OSBPL1A: variants seen among roughly 807,000 people sequenced by gnomAD.
OSBPL1A encodes the protein oxysterol-binding protein-related protein 1.
OSBPL1A carries 80 observed loss-of-function variants against 137.1 expected under a neutral mutation model. That is an observed-to-expected ratio of 0.58 (90% CI 0.49 to 0.70). The LOEUF (loss-of-function observed/expected upper bound fraction) is 0.70, where lower values mean the gene tolerates loss of function less well. OSBPL1A is among the 30% of genes least tolerant of loss of function. OSBPL1A has a pLI of 0.00. For synonymous variants in OSBPL1A, 365 were observed against 389.7 expected, an observed-to-expected ratio of 0.94 and a Z score of 0.75; for missense variants, 970 against 1,129.4, an observed-to-expected ratio of 0.86 and a Z score of 2.02.
At chr18:24,180,024 G>T (rs989921795) in intron 19 of OSBPL1A, among the ~76,000 whole-genome samples, 189 bp from the exon 20 acceptor site, 4 of 152,212 alleles carry the variant, frequency 2.6e-5, no homozygotes, top group African/African-American at 4.8e-5. Context: ...ATTACTTTCA[G>T]TTGCTTCCTA....
intron 4 of OSBPL1A, among the ~76,000 whole-genome samples, chr18:24,355,626 A>G (rs1210036615): frequency 6.6e-6 from 1 of 152,114 alleles, no homozygotes; most frequent in Non-Finnish European, 1.5e-5. Context: ...AGTACAACTC[A>G]ATCTGCACCA....
At chr18:24,321,931 T>A (rs570823157) in intron 7 of OSBPL1A, among the ~76,000 whole-genome samples, 3 of 152,134 alleles carry the variant, frequency 2.0e-5, no homozygotes, top group South Asian at 2.1e-4. Context: ...TGATTTTTTT[T>A]AAAAAGGTCA....
At chr18:24,217,023 A>G (rs1466774746) in intron 17 of OSBPL1A, among the ~76,000 whole-genome samples, 2 of 152,192 alleles carry the variant, frequency 1.3e-5, no homozygotes, top group Admixed American at 1.3e-4. Flanking sequence ...GCCTACAAAT[A>G]TCTATAAAAA....
intron 13 of OSBPL1A, among the ~76,000 whole-genome samples, chr18:24,309,653 G>A (rs2090576613): frequency 6.6e-6 from 1 of 152,138 alleles, no homozygotes; most frequent in Admixed American, 6.6e-5. Flanking sequence ...AGGGCATCCT[G>A]GAGCCAGTCT....
chr18:24,194,165 A>G lies in OSBPL1A; in HGVS notation c.1677+1960T>C, dbSNP rs555510718. Among the ~76,000 whole-genome samples the G allele has an allele frequency of 1.9e-3, 292 of 152,354 alleles. 1 individual carries two copies. The highest frequency in any genetic ancestry group is 3.5e-3 in the Non-Finnish European group (240 of 68,040). On this transcript the variant is annotated intron_variant, in intron 18 of 27. Coordinates refer to ENST00000319481, the MANE Select transcript of OSBPL1A (RefSeq NM_080597.4). The stretch of plus-strand genomic sequence containing the variant: ...AAAACTGTATATTCTAAAGTGGCCA[A>G]AAAGACTAAACCATATCTGAAATGT...
At chr18:24,216,840 A>T (rs370172394) in intron 17 of OSBPL1A, among the ~76,000 whole-genome samples, 4 of 152,296 alleles carry the variant, frequency 2.6e-5, no homozygotes, top group African/African-American at 9.6e-5. Flanking sequence ...GTAGCAATGA[A>T]CATCCTTACC....
intron 17 of OSBPL1A, among the ~76,000 whole-genome samples, chr18:24,197,167 G>T (rs1401302458): frequency 6.6e-6 from 1 of 152,150 alleles, no homozygotes; most frequent in Non-Finnish European, 1.5e-5. Context: ...GGGCAACATA[G>T]TGAAACCCAT....
chr18:24,317,306 T>C, intron 10 of OSBPL1A, 21 bp downstream of exon 10: 1 of 1,609,826 alleles, frequency 6.2e-7, no homozygotes, highest in Non-Finnish European at 8.5e-7. Context: ...ATTTGATAAG[T>C]GTAAAGATCA....
chr18:24,318,893 C>T, intron 7 of OSBPL1A, 84 bp from the exon 8 acceptor site: 1 of 1,126,748 alleles, frequency 8.9e-7, no homozygotes, highest in East Asian at 2.4e-5. Flanking sequence ...ATCTAATAGT[C>T]CTTCATTTTT....
At chr18:24,340,081 T>G (rs2091248293) in intron 5 of OSBPL1A, among the ~76,000 whole-genome samples, 1 of 152,226 alleles carries the variant, frequency 6.6e-6, no homozygotes, top group African/African-American at 2.4e-5. Flanking sequence ...ATTGCAACTC[T>G]AATTCAGTAC....
chr18:24,207,561 C>T (rs1287534782), intron 17 of OSBPL1A, among the ~76,000 whole-genome samples: 1 of 152,126 alleles, frequency 6.6e-6, no homozygotes, highest in African/African-American at 2.4e-5. Context: ...ACCTCTGATT[C>T]CAGATTAAAG....
At chr18:24,247,167 C>T (rs1246408571) in intron 15 of OSBPL1A, among the ~76,000 whole-genome samples, 1 of 152,004 alleles carries the variant, frequency 6.6e-6, no homozygotes, top group Non-Finnish European at 1.5e-5. Context: ...AAAGAGTCAG[C>T]AAAGGAAACA....
chr18:24,185,338 TTTTTTTTGA>T (rs1406891712), intron 18 of OSBPL1A, among the ~76,000 whole-genome samples: 1 of 125,192 alleles, frequency 8.0e-6, no homozygotes, highest in African/African-American at 4.7e-5. Context: ...CTTTTTTTTT[TTTTTTTTGA>T]GACTGAGTCT....
intron 15 of OSBPL1A, among the ~76,000 whole-genome samples, chr18:24,270,698 T>G (rs1220793945): frequency 6.6e-6 from 1 of 152,152 alleles, no homozygotes; most frequent in Non-Finnish European, 1.5e-5. Flanking sequence ...TTAACTTCGG[T>G]GTGTCCTCAA....
At chr18:24,172,888 T>C (rs2086325176) in intron 21 of OSBPL1A, among the ~76,000 whole-genome samples, 1 of 152,168 alleles carries the variant, frequency 6.6e-6, no homozygotes, top group South Asian at 2.1e-4. Context: ...TAAACTCTGA[T>C]TTTATAATCC....
intron 15 of OSBPL1A, chr18:24,272,227 C>G (rs2089741353): frequency 1.3e-5 from 13 of 983,868 alleles, no homozygotes; most frequent in Non-Finnish European, 1.6e-5. Context: ...GAGACACCGG[C>G]CCTGGCAACT....
intron 17 of OSBPL1A, among the ~76,000 whole-genome samples, chr18:24,221,677 G>A (rs374068794): frequency 2.0e-5 from 3 of 152,152 alleles, no homozygotes; most frequent in African/African-American, 7.2e-5. Context: ...GATTATCCAA[G>A]CACAATTTAC....
Position 24,172,448 on chromosome 18 carries a change from C to A in OSBPL1A, c.2129G>T (p.Cys710Phe). The change falls in exon 22 of 28, where the codon TGC (cysteine) becomes TTC (phenylalanine). Residue 710 changes from cysteine (C) to phenylalanine (F), a missense_variant. By Grantham distance (205) the Cys-to-Phe change is radical. Coordinates refer to ENST00000319481, the MANE Select transcript of OSBPL1A (RefSeq NM_080597.4). Reference protein sequence around the residue: ...NEAYTWTNPTCCVHNIIVGKL... With the variant: ...NEAYTWTNPTFCVHNIIVGKL... Reference sequence around the variant, plus strand: ...ACCCACAATGATATTATGCACACAGCAGGTGGGATTTGTCCATGTATATGC... The same window carrying A: ...ACCCACAATGATATTATGCACACAGAAGGTGGGATTTGTCCATGTATATGC... 1 of 1,614,042 alleles carries A rather than the reference C, an allele frequency of 6.2e-7. No homozygotes were observed. The highest frequency in any genetic ancestry group is 8.5e-7 in the Non-Finnish European group (1 of 1,179,960).
At chr18:24,390,097 T>G (rs1302549936) in intron 1 of OSBPL1A, among the ~76,000 whole-genome samples, 1 of 152,156 alleles carries the variant, frequency 6.6e-6, no homozygotes, top group African/African-American at 2.4e-5. Flanking sequence ...ATAGAGTTCT[T>G]AAAGGTATTA....
Sources: allele counts gnomAD v4.1 joint callset (sites outside exome capture counted in the v4.1 genomes callset), GRCh38; gene constraint gnomAD v4.1.1; transcripts MANE v1.5; gene names NCBI Gene and HGNC (gene_info 2026-07-23, HGNC 2026-07-21).